POFUT4: variants seen among roughly 807,000 people sequenced by gnomAD.
POFUT4 encodes protein O-fucosyltransferase 4.
At chr10:73,778,624 C>T in the POFUT4 span, among the ~76,000 whole-genome samples, 1,597 of 152,150 alleles carry the variant, frequency 0.01, 11 homozygotes, top group Non-Finnish European at 0.017. Flanking sequence ...ATCTATATAT[C>T]TACCTATATA....
the POFUT4 span, chr10:73,773,912 G>C: frequency 7.4e-7 from 1 of 1,347,980 alleles, no homozygotes. Context: ...GGTGCAGGAG[G>C]AAATTATCAC....
At chr10:73,773,492 T>A in the POFUT4 span, 1 of 1,614,210 alleles carries the variant, frequency 6.2e-7, no homozygotes, top group South Asian at 1.1e-5. Context: ...CAGAGTTTAT[T>A]GACTTTCTGG....
At chr10:73,779,821 T>C in the POFUT4 span, 5 of 152,346 alleles carry the variant, frequency 3.3e-5, no homozygotes, top group African/African-American at 1.2e-4. Flanking sequence ...ATTCCTTTCA[T>C]ACTTTTACGT....
the POFUT4 span, among the ~76,000 whole-genome samples, chr10:73,777,901 C>T: frequency 6.8e-6 from 1 of 146,198 alleles, no homozygotes; most frequent in African/African-American, 2.5e-5. Context: ...ACTCCATCAC[C>T]AAGGCTAGAG....
At chr10:73,779,409 C>A in the POFUT4 span, 11 of 152,096 alleles carry the variant, frequency 7.2e-5, no homozygotes, top group African/African-American at 2.7e-4. Flanking sequence ...ACTAAAAATA[C>A]AAAATTAGCT....
At chr10:73,775,264 C>T in the POFUT4 span, 1 of 688,090 alleles carries the variant, frequency 1.5e-6, no homozygotes, top group Admixed American at 2.3e-5. Flanking sequence ...TCTGCTTTGC[C>T]TGCCTCTGAA....
the POFUT4 span, chr10:73,772,492 GGGCGCAGT>G: frequency 1.3e-6 from 2 of 1,554,698 alleles, no homozygotes; most frequent in East Asian, 4.7e-5. Context: ...CCTCGGCGCT[GGGCGCAGT>G]GGGGGTGACG....
chr10:73,773,140 C>T, the POFUT4 span: 6 of 1,413,700 alleles, frequency 4.2e-6, no homozygotes, highest in African/African-American at 1.5e-5. Flanking sequence ...TCCAGGTGTC[C>T]AGGCCTCCAG....
the POFUT4 span, chr10:73,772,568 C>G: frequency 2.5e-6 from 4 of 1,588,694 alleles, no homozygotes; most frequent in Non-Finnish European, 3.4e-6. Flanking sequence ...GCCGGTACTG[C>G]TGTGGTGGAG....
chr10:73,773,104 TGTCCAGGACTCCAG>T, the POFUT4 span: 1 of 93,510 alleles, frequency 1.1e-5, no homozygotes, highest in South Asian at 1.3e-4. Flanking sequence ...GGACTCCAGG[TGTCCAGGACTCCAG>T]GTGTCCAGGA....
the POFUT4 span, among the ~76,000 whole-genome samples, chr10:73,777,556 CTTTTTTTTTT>C: frequency 7.0e-6 from 1 of 142,784 alleles, no homozygotes; most frequent in Non-Finnish European, 1.5e-5. Flanking sequence ...TTCCCTATGA[CTTTTTTTTTT>C]TTTTTGAGAT....
chr10:73,774,037 G>C, the POFUT4 span: 4 of 543,762 alleles, frequency 7.4e-6, no homozygotes, highest in Non-Finnish European at 1.3e-5. Flanking sequence ...ATCAGCTTAT[G>C]TGAACAATGT....
At chr10:73,775,674 C>T in the POFUT4 span, 6 of 1,614,202 alleles carry the variant, frequency 3.7e-6, no homozygotes, top group East Asian at 6.7e-5. Flanking sequence ...CATGAAGAGG[C>T]AACATCTCTA....
chr10:73,779,089 A>AG, the POFUT4 span: 1 of 151,930 alleles, frequency 6.6e-6, no homozygotes, highest in African/African-American at 2.4e-5. Flanking sequence ...AAAAAAAAAA[A>AG]AAAAACCTTC....
chr10:73,777,085 A>G, the POFUT4 span, among the ~76,000 whole-genome samples: 1 of 152,148 alleles, frequency 6.6e-6, no homozygotes, highest in African/African-American at 2.4e-5. Context: ...GCTGGTTTGC[A>G]TCTCATTTAT....
At chr10:73,777,932 T>C in the POFUT4 span, among the ~76,000 whole-genome samples, 5 of 149,926 alleles carry the variant, frequency 3.3e-5, no homozygotes, top group African/African-American at 1.2e-4. Context: ...TGATTTTGGC[T>C]CACTGCAGCC....
At chr10:73,775,732 T>C in the POFUT4 span, 81 of 1,600,976 alleles carry the variant, frequency 5.1e-5, no homozygotes, top group South Asian at 6.9e-4. Flanking sequence ...GGAGATCTTA[T>C]TCTACCATGG....
the POFUT4 span, among the ~76,000 whole-genome samples, chr10:73,778,052 CAG>C: frequency 6.8e-6 from 1 of 147,130 alleles, no homozygotes; most frequent in Non-Finnish European, 1.5e-5. Context: ...TTAGTAGAAA[CAG>C]GGTTTTGCCA....
chr10:73,772,354 G>A, the POFUT4 span: 4 of 1,498,336 alleles, frequency 2.7e-6, no homozygotes, highest in Admixed American at 4.8e-5. Context: ...GCCCCATTAG[G>A]GTGGTGTTGG....
Sources: allele counts gnomAD v4.1 joint callset (sites outside exome capture counted in the v4.1 genomes callset), GRCh38; gene constraint gnomAD v4.1.1; transcripts MANE v1.5; gene names NCBI Gene and HGNC (gene_info 2026-07-23, HGNC 2026-07-21).